NOBOX: variants seen among roughly 807,000 people sequenced by gnomAD.
NOBOX encodes homeobox protein NOBOX.
A neutral mutation model predicts 60.2 loss-of-function variants in NOBOX; 46 were observed. That is an observed-to-expected ratio of 0.76 (90% CI 0.60 to 0.98). The LOEUF (loss-of-function observed/expected upper bound fraction) is 0.98, where lower values mean the gene tolerates loss of function less well. Ranked by LOEUF, NOBOX falls within the 50% of genes least tolerant of loss-of-function variation. The pLI, the probability that NOBOX is intolerant of heterozygous loss-of-function variation, is 0.00. For synonymous variants in NOBOX, 360 were observed against 346.3 expected, an observed-to-expected ratio of 1.04 and a Z score of -0.44; for missense variants, 880 against 865.5, an observed-to-expected ratio of 1.02 and a Z score of -0.21.
intron 1 of NOBOX, among the ~76,000 whole-genome samples, chr7:144,409,987 G>A (rs538517383): frequency 6.6e-6 from 1 of 152,328 alleles, no homozygotes; most frequent in Non-Finnish European, 1.5e-5. Context: ...TTCTGCTGGT[G>A]GCTTGATAGA....
intron 5 of NOBOX, 161 bp from the exon 4 acceptor site, chr7:144,400,024 C>T: frequency 7.2e-7 from 1 of 1,389,642 alleles, no homozygotes; most frequent in South Asian, 1.2e-5. Context: ...CTCTGCAGTG[C>T]CTTCCTCTCC....
Position 144,399,011 on chromosome 7 carries a change from T to A in NOBOX, c.1408A>T (p.Met470Leu), listed in dbSNP as rs764362691. 6 of 1,589,608 alleles carry A rather than the reference T, an allele frequency of 3.8e-6. No homozygotes were observed. In the Admixed American group the frequency reaches 1.1e-4, roughly 28 times the overall value. ...CTGCTGTCACTGCCAGCAACATCCA[T>A]CAGCAGTGGCATCAGTTGGGGGGTG... is the stretch of plus-strand genomic sequence containing the variant. The change falls in exon 8 of 10, where the codon ATG becomes TTG. Residue 470 changes from methionine to leucine, a missense_variant. Physicochemically the swap from Met to Leu is conservative, Grantham distance 15. Transcript: ENST00000467773.
At chr7:144,398,784 C>T (rs1156778332) in intron 8 of NOBOX, among the ~76,000 whole-genome samples, 166 bp downstream of exon 6, 2 of 152,020 alleles carry the variant, frequency 1.3e-5, no homozygotes, top group Non-Finnish European at 2.9e-5. Flanking sequence ...TGCTGTGATC[C>T]CCTAGGTCAT....
At chr7:144,404,529 G>A (rs1017715680) in intron 2 of NOBOX, 16 of 1,601,910 alleles carry the variant, frequency 1.0e-5, no homozygotes, top group Non-Finnish European at 1.7e-6. Flanking sequence ...AATTACAGGC[G>A]TGAGCCACAG....
rs2053934475 is a variant in NOBOX, at chr7:144,401,098, G to A, written c.792C>T (p.Pro264=). The A allele has an allele frequency of 1.3e-6, 2 of 1,545,216 alleles. No individual in the cohort carries two copies. Among genetic ancestry groups the A allele is most frequent in the African/African-American group, 1.4e-5 (1 of 72,422 alleles). Residue 264 remains proline (P), a synonymous_variant, in exon 4 of 10, where the codon CCC becomes CCT. Coordinates refer to ENST00000467773, the MANE Select transcript of NOBOX (RefSeq NM_001080413.3). The surrounding 1 kb of genome is among the most constrained non-coding windows in gnomAD (Gnocchi z 4.2). ...TCCTAATTTGGCAGGTCACTTCCGG[G>A]GGCCCCTGCTTGTGGTCTCTGTTTT...
At chr7:144,400,899 T>C in intron 4 of NOBOX, 147 bp downstream of exon 2, 1 of 570,578 alleles carries the variant, frequency 1.8e-6, no homozygotes, top group African/African-American at 1.9e-5. Context: ...ATAGTTGCAC[T>C]ACCGCGGCCC....
At chr7:144,404,433 G>A (rs1381991897) in intron 2 of NOBOX, 1 of 796,928 alleles carries the variant, frequency 1.3e-6, no homozygotes, top group Middle Eastern at 3.3e-4. Context: ...ATTTTTAGTA[G>A]AGACGGGGTT....
Position 144,401,047 on chromosome 7 carries a change from T to C in NOBOX, c.843A>G (p.Ser281=). 6.6e-7 allele frequency: 1 copy of C among 1,511,416 alleles called. No individual in the cohort carries two copies. The highest frequency in any genetic ancestry group is 8.8e-7 in the Non-Finnish European group (1 of 1,131,776). The allele number at this position is 1,511,416 out of a possible 1,614,324, so 93.6% of individuals were successfully genotyped here. Residue 281 remains serine (S), a splice_region_variant and synonymous_variant, in exon 4 of 10, where the codon TCA becomes TCG. Transcript: ENST00000467773. This position sits in a 1 kb window ranked among gnomAD's most constrained non-coding sequence, Gnocchi z 4.2. ...GGTTTCCTCTCTTTAGGGACTTACCTGAGCGGTATAGGGTTCGTGTCTTTT... is the reference window on the plus strand; with the variant it reads ...GGTTTCCTCTCTTTAGGGACTTACCCGAGCGGTATAGGGTTCGTGTCTTTT...
chr7:144,408,236 CTTT>C (rs540515599), intron 1 of NOBOX, among the ~76,000 whole-genome samples: 7 of 140,590 alleles, frequency 5.0e-5, no homozygotes, highest in Non-Finnish European at 6.2e-5. Flanking sequence ...CAGCATGAAA[CTTT>C]TTTTTTTTTT....
chr7:144,398,095 A>G (rs1055634246), intron 9 of NOBOX, among the ~76,000 whole-genome samples, 187 bp downstream of exon 7: 1 of 152,178 alleles, frequency 6.6e-6, no homozygotes, highest in African/African-American at 2.4e-5. Flanking sequence ...GTTCTCTGCT[A>G]ACTCTCACTG....
At chr7:144,403,567 G>A (rs2053959126) in intron 2 of NOBOX, 90 bp downstream of exon 1, 2 of 528,110 alleles carry the variant, frequency 3.8e-6, no homozygotes, top group Admixed American at 2.7e-5. Context: ...CTCTTAGGTC[G>A]GCTAACGCTG....
intron 2 of NOBOX, among the ~76,000 whole-genome samples, chr7:144,402,477 G>T (rs1407092855): frequency 6.6e-6 from 1 of 152,074 alleles, no homozygotes; most frequent in South Asian, 2.1e-4. Flanking sequence ...AAGAAATGAG[G>T]ATGAGACAGC....
At position 144,401,437 on chromosome 7, in the gene NOBOX, G is replaced by T; in HGVS notation, c.453C>A (p.Thr151=). 6.2e-7 allele frequency: 1 copy of T among 1,605,906 alleles called. No individual in the cohort carries two copies. Among genetic ancestry groups the T allele is most frequent in the South Asian group, 1.1e-5 (1 of 90,094 alleles). ...GGCACAGTCTCCCAGCATCAGCCCC[G>T]GTGGCTTCTCCAGAGACTGCTGGCG... The change falls in exon 4 of 10, where the codon ACC becomes ACA. Residue 151 remains threonine (T), a synonymous_variant. Transcript: ENST00000467773. This position sits in a 1 kb window ranked among gnomAD's most constrained non-coding sequence, Gnocchi z 4.2.
chr7:144,404,477 G>A (rs2053969802), intron 2 of NOBOX: 1 of 1,265,156 alleles, frequency 7.9e-7, no homozygotes, highest in East Asian at 2.5e-5. Flanking sequence ...TAGAACTCCT[G>A]ACTTCAAGTT....
At position 144,404,608 on chromosome 7, in the gene NOBOX, C is replaced by A. The variant is rs1396431210; in HGVS notation, c.158G>T (p.Ser53Ile). 2 of 1,613,966 alleles carry A rather than the reference C, an allele frequency of 1.2e-6. No homozygotes were observed. Among genetic ancestry groups the A allele is most frequent in the Non-Finnish European group, 1.7e-6 (2 of 1,179,878 alleles). ...GCTGCACCGGATGATGAAGAAGGAG[C>A]TGAAAGAGCCACAGACTCCGTAGAT... The change falls in exon 2 of 10, where the codon AGC (serine) becomes ATC (isoleucine). Residue 53 changes from serine to isoleucine, a missense_variant. Transcript: ENST00000467773.
At chr7:144,398,868 C>G (rs1363755480) in intron 8 of NOBOX, 82 bp downstream of exon 6, 2 of 764,590 alleles carry the variant, frequency 2.6e-6, no homozygotes, top group Non-Finnish European at 4.4e-6. Flanking sequence ...ACCCTCTCCT[C>G]TCTGTGTCTA....
chr7:144,400,153 A>G lies in NOBOX; in HGVS notation c.1004T>C (p.Ile335Thr), dbSNP rs2053926766. 2 of 1,613,890 alleles carry G rather than the reference A, an allele frequency of 1.2e-6. No homozygotes were observed. The highest frequency in any genetic ancestry group is 1.7e-6 in the Non-Finnish European group (2 of 1,179,894). Residue 335 changes from isoleucine (I) to threonine (T), a missense_variant, in exon 5 of 10, where the codon ATT becomes ACT. Transcript: ENST00000467773. ...CTCACTCTGCAATTCGAGTGTTTCA[A>G]TGGTGGGCCCTCCGCCACTCCACCC...
In NOBOX at chr7:144,397,555, G is replaced by C. The variant is rs2053902419; in HGVS notation, c.1775-14C>G. On this transcript the variant is annotated splice_polypyrimidine_tract_variant and intron_variant, in intron 9 of 9. Coordinates refer to ENST00000467773, the MANE Select transcript of NOBOX (RefSeq NM_001080413.3). ...AGGAGGCTGTACCTGTGGGGTCGGA[G>C]GGTGTAGGAATTACCAGACAGGATG... The C allele has an allele frequency of 4.0e-6, 6 of 1,506,932 alleles. No individual in the cohort carries two copies. Among genetic ancestry groups the C allele is most frequent in the Admixed American group, 2.1e-5 (1 of 48,018 alleles). 93.3% of individuals were successfully genotyped at this position (1,506,932 alleles called of 1,614,324 possible).
chr7:144,409,437 C>G (rs996661129), intron 1 of NOBOX, among the ~76,000 whole-genome samples: 1 of 152,146 alleles, frequency 6.6e-6, no homozygotes, highest in African/African-American at 2.4e-5. Context: ...TTCCTCACAG[C>G]ATTTTTTCCA....
Sources: allele counts gnomAD v4.1 joint callset (sites outside exome capture counted in the v4.1 genomes callset), GRCh38; gene constraint gnomAD v4.1.1; non-coding constraint Gnocchi (gnomAD v3.1); transcripts MANE v1.5; gene names NCBI Gene and HGNC (gene_info 2026-07-23, HGNC 2026-07-21).